The following AFAP1L2 variants were observed in gnomAD, a reference collection of about 807,000 sequenced individuals.
The protein encoded by AFAP1L2 is actin filament associated protein 1 like 2.
In AFAP1L2, 46 loss-of-function variants were observed where a neutral mutation model predicts 99.3. The ratio of observed to expected loss-of-function variants is 0.46; its 90% CI spans 0.37 to 0.59. The LOEUF is 0.59. AFAP1L2 is among the 20% of genes least tolerant of loss of function. The probability of loss-of-function intolerance (pLI) is 0.00; values close to 1 mark genes in which losing one functional copy is unlikely to be tolerated. For missense variants in AFAP1L2, 959 were observed against 1,034.9 expected (o/e 0.93, Z 1.01); for synonymous variants, 397 against 419.1 (o/e 0.95, Z 0.64).
chr10:114,383,077 A>G (rs1487616638), intron 1 of AFAP1L2, among the ~76,000 whole-genome samples: 1 of 152,214 alleles, frequency 6.6e-6, no homozygotes, highest in African/African-American at 2.4e-5. Context: ...TAGCCATGAA[A>G]GAGGAAAAAA....
intron 4 of AFAP1L2, 36 bp downstream of exon 4, chr10:114,331,767 C>T (rs778112413): frequency 5.3e-6 from 7 of 1,308,988 alleles, no homozygotes; most frequent in African/African-American, 3.1e-5. Context: ...AAGGGGCTCA[C>T]GTCAGGGAAA....
rs1371433844 is a variant in AFAP1L2 at position 114,305,099 on chromosome 10, ATGCAGGAGGGGACCGGGC to A, written c.1073-187_1073-170del. On this transcript the variant is annotated intron_variant, in intron 10 of 18. Transcript: ENST00000304129. ...GACTGGGCTCCAGGAGGGGACGCAG[ATGCAGGAGGGGACCGGGC>A]TGCAGGAGGGGACGCAGATGCAGGA... The A allele has an allele frequency of 1.0e-3, 553 of 544,324 alleles. 2 individuals carry two copies. The African/African-American group carries it at 0.012, about 12-fold the overall frequency. 33.7% of individuals were successfully genotyped at this position (544,324 alleles called of 1,614,324 possible).
chr10:114,289,992 CAAAA>C (rs35165936), downstream of AFAP1L2: 1,745 of 211,858 alleles, frequency 8.2e-3, no homozygotes, highest in South Asian at 0.015. Flanking sequence ...GATTCTGCCT[CAAAA>C]AAAAAAAAAA....
chr10:114,318,740 A>T (rs112109717), intron 5 of AFAP1L2, among the ~76,000 whole-genome samples: 1 of 125,474 alleles, frequency 8.0e-6, no homozygotes, highest in African/African-American at 2.8e-5. Flanking sequence ...GACTCTGTCT[A>T]AAAAAAAGAA....
intron 1 of AFAP1L2, among the ~76,000 whole-genome samples, chr10:114,370,941 C>T (rs1055196293): frequency 6.6e-6 from 1 of 152,178 alleles, no homozygotes; most frequent in African/African-American, 2.4e-5. Flanking sequence ...CTGCTTTCTC[C>T]AAAAAGCCTT....
intron 16 of AFAP1L2, 32 bp downstream of exon 16, chr10:114,299,228 T>G (rs1052651086): frequency 4.3e-6 from 7 of 1,612,658 alleles, no homozygotes; most frequent in Admixed American, 1.7e-5. Flanking sequence ...CCCTCTGAGC[T>G]GAGGGTCCCT....
At chr10:114,351,778 G>A (rs966317879) in intron 1 of AFAP1L2, among the ~76,000 whole-genome samples, 2 of 152,192 alleles carry the variant, frequency 1.3e-5, no homozygotes, top group African/African-American at 4.8e-5. Flanking sequence ...AGTGCCCTAA[G>A]AGTCAAGTTC....
chr10:114,289,609 G>T, the AFAP1L2 span: 1 of 1,171,836 alleles, frequency 8.5e-7, no homozygotes. Context: ...TGCTTCCCAA[G>T]TGCCAGGTTC....
intron 2 of AFAP1L2, among the ~76,000 whole-genome samples, chr10:114,339,231 G>T (rs1443963427): frequency 6.6e-6 from 1 of 152,210 alleles, no homozygotes; most frequent in South Asian, 2.1e-4. Context: ...GGCCGAGGCG[G>T]GCGGATCACG....
At chr10:114,390,809 C>T (rs1237361773) in intron 1 of AFAP1L2, among the ~76,000 whole-genome samples, 1 of 152,022 alleles carries the variant, frequency 6.6e-6, no homozygotes, top group African/African-American at 2.4e-5. Flanking sequence ...ATGGTTGAAC[C>T]CAGCGTCCCT....
intron 2 of AFAP1L2, among the ~76,000 whole-genome samples, chr10:114,339,409 A>G (rs972802765): frequency 2.6e-5 from 4 of 152,198 alleles, no homozygotes; most frequent in African/African-American, 9.6e-5. Flanking sequence ...ATCGCGCCAC[A>G]ACACTCCCGC....
At position 114,319,089 on chromosome 10, in the gene AFAP1L2, G is replaced by A. The variant is rs745856339; in HGVS notation, c.407-3324C>T. ...GAATCCCTTGAACCTGGGAGGTGAA[G>A]GTTGCAGTGAGCCAAGATCATGCCA... On this transcript the variant is annotated intron_variant, in intron 5 of 18. Transcript: ENST00000304129. Among the ~76,000 whole-genome samples the A allele has an allele frequency of 3.3e-5, 5 of 152,168 alleles. No homozygotes were observed. The East Asian group carries it at 7.7e-4, about 23-fold the overall frequency.
chr10:114,305,480 C>A (rs1309064781), intron 10 of AFAP1L2, among the ~76,000 whole-genome samples: 9 of 96,212 alleles, frequency 9.4e-5, no homozygotes, highest in South Asian at 3.6e-4. Flanking sequence ...GACGCAGATG[C>A]AGGAGGGGAC....
chr10:114,403,484 T>C (rs912869777), intron 1 of AFAP1L2, among the ~76,000 whole-genome samples: 2 of 152,128 alleles, frequency 1.3e-5, no homozygotes, highest in African/African-American at 4.8e-5. Flanking sequence ...CAGCATTTCC[T>C]CCCGCAGGTT....
intron 2 of AFAP1L2, among the ~76,000 whole-genome samples, chr10:114,334,502 C>T (rs946757188): frequency 5.3e-5 from 8 of 152,202 alleles, no homozygotes; most frequent in Non-Finnish European, 1.0e-4. Context: ...GACCACAGAC[C>T]GCCCAAACTC....
At position 114,314,010 on chromosome 10, in the gene AFAP1L2, A is replaced by G. The variant is rs540021162; in HGVS notation, c.653T>C (p.Val218Ala). The G allele has an allele frequency of 6.2e-7, 1 of 1,613,874 alleles. No homozygotes were observed. The highest frequency in any genetic ancestry group is 2.2e-5 in the East Asian group (1 of 44,842). Residue 218 changes from valine (V) to alanine (A), a missense_variant, in exon 7 of 19, where the codon GTG becomes GCG. Coordinates refer to ENST00000304129, the MANE Select transcript of AFAP1L2 (RefSeq NM_001001936.3). Reference protein sequence around the residue: ...SSKDHSPQLDVNLLGSSVIHK... With the variant: ...SSKDHSPQLDANLLGSSVIHK... Reference sequence around the variant, plus strand: ...AATGACGCTGCTGCCCAGTAGGTTCACGTCCAGCTGAGGGCTGTGGTCCTT... The same window carrying G: ...AATGACGCTGCTGCCCAGTAGGTTCGCGTCCAGCTGAGGGCTGTGGTCCTT...
At chr10:114,310,643 G>C (rs2043086754) in intron 7 of AFAP1L2, among the ~76,000 whole-genome samples, 200 bp from the exon 8 acceptor site, 1 of 152,224 alleles carries the variant, frequency 6.6e-6, no homozygotes, top group South Asian at 2.1e-4. Context: ...AGGCTGCAGT[G>C]GGGAGGGCTC....
chr10:114,358,391 A>T (rs1033200282), intron 1 of AFAP1L2, among the ~76,000 whole-genome samples: 5 of 152,180 alleles, frequency 3.3e-5, no homozygotes, highest in African/African-American at 1.2e-4. Context: ...ACTCAGACTC[A>T]TAATAAAACT....
At chr10:114,286,660 A>C in the AFAP1L2 span, 1 of 685,780 alleles carries the variant, frequency 1.5e-6, no homozygotes, top group Non-Finnish European at 2.3e-6. Context: ...CACATAAATA[A>C]TTTTCAGTTT....
Sources: allele counts gnomAD v4.1 joint callset (sites outside exome capture counted in the v4.1 genomes callset), GRCh38; gene constraint gnomAD v4.1.1; transcripts MANE v1.5; gene names NCBI Gene and HGNC (gene_info 2026-07-23, HGNC 2026-07-21).